Variants in CPQ observed in about 807,000 individuals in gnomAD.
CPQ encodes the protein Ser-Met dipeptidase.
A neutral mutation model predicts 45.7 loss-of-function variants in CPQ; 37 were observed. The ratio of observed to expected loss-of-function variants is 0.81; its 90% CI spans 0.62 to 1.07. The LOEUF (loss-of-function observed/expected upper bound fraction) is 1.07, where lower values mean the gene tolerates loss of function less well. CPQ is among the 50% of genes least tolerant of loss of function. The pLI is 0.00. For missense variants in CPQ, 537 were observed against 572.9 expected, an observed-to-expected ratio of 0.94 and a Z score of 0.64; for synonymous variants, 186 against 205.8, an observed-to-expected ratio of 0.90 and a Z score of 0.82.
intron 5 of CPQ, among the ~76,000 whole-genome samples, chr8:96,969,420 C>T (rs1437620363): frequency 1.3e-5 from 2 of 151,568 alleles, no homozygotes; most frequent in Non-Finnish European, 3.0e-5. Context: ...ACATTTAATT[C>T]AAAAATTGCA....
At chr8:97,136,312 C>T (rs1170668461) in intron 7 of CPQ, among the ~76,000 whole-genome samples, 1 of 152,158 alleles carries the variant, frequency 6.6e-6, no homozygotes, top group Admixed American at 6.5e-5. Context: ...ATCGTCACAA[C>T]TTTGATTTAT....
chr8:96,678,191 T>A (rs1357049678), intron 1 of CPQ, among the ~76,000 whole-genome samples: 1 of 152,154 alleles, frequency 6.6e-6, no homozygotes, highest in Non-Finnish European at 1.5e-5. Flanking sequence ...AGGATTATTT[T>A]TTCTAATTCT....
At chr8:96,844,538 G>A (rs981776927) in intron 3 of CPQ, among the ~76,000 whole-genome samples, 1 of 152,194 alleles carries the variant, frequency 6.6e-6, no homozygotes, top group African/African-American at 2.4e-5. Flanking sequence ...TTTCTCATCT[G>A]TAACATGTGG....
At chr8:96,781,140 A>G (rs1201091790) in intron 1 of CPQ, among the ~76,000 whole-genome samples, 2 of 152,206 alleles carry the variant, frequency 1.3e-5, no homozygotes, top group Non-Finnish European at 2.9e-5. Flanking sequence ...AAATAATAAT[A>G]AATTAGAAAG....
chr8:97,028,583 ACAAAGTAG>A (rs1486995908), intron 5 of CPQ, among the ~76,000 whole-genome samples: 1 of 152,260 alleles, frequency 6.6e-6, no homozygotes, highest in African/African-American at 2.4e-5. Context: ...ATTCTTGGTC[ACAAAGTAG>A]CACTTTTGGC....
chr8:96,843,792 G>C, intron 3 of CPQ, among the ~76,000 whole-genome samples: 1 of 152,234 alleles, frequency 6.6e-6, no homozygotes, highest in African/African-American at 2.4e-5. Flanking sequence ...CTTTTGAATT[G>C]CTACTCATCA....
At chr8:96,745,218 G>C (rs186184228) in intron 1 of CPQ, among the ~76,000 whole-genome samples, 1 of 152,206 alleles carries the variant, frequency 6.6e-6, no homozygotes, top group African/African-American at 2.4e-5. Flanking sequence ...TGAGACAGGA[G>C]AATCACTTGA....
intron 1 of CPQ, among the ~76,000 whole-genome samples, chr8:96,780,699 C>G (rs887009674): frequency 1.4e-5 from 2 of 147,086 alleles, no homozygotes; most frequent in East Asian, 2.0e-4. Flanking sequence ...TTCTTTCTTT[C>G]TTTTTCTTTA....
At chr8:96,682,847 G>A (rs2130730428) in intron 1 of CPQ, among the ~76,000 whole-genome samples, 1 of 152,242 alleles carries the variant, frequency 6.6e-6, no homozygotes, top group South Asian at 2.1e-4. Context: ...CAGATGAGAT[G>A]AGTTTCTTGG....
chr8:96,794,402 G>A (rs1810897120), intron 2 of CPQ, among the ~76,000 whole-genome samples: 1 of 152,156 alleles, frequency 6.6e-6, no homozygotes, highest in South Asian at 2.1e-4. Flanking sequence ...CTGGAACGCA[G>A]GTCACCAATT....
intron 1 of CPQ, among the ~76,000 whole-genome samples, chr8:96,752,613 C>A (rs906790777): frequency 2.0e-5 from 3 of 152,076 alleles, no homozygotes; most frequent in Admixed American, 6.6e-5. Flanking sequence ...TTTCAGTAAT[C>A]TTTATTTCTT....
At chr8:97,083,329 C>A (rs560413729) in intron 7 of CPQ, among the ~76,000 whole-genome samples, 1 of 152,194 alleles carries the variant, frequency 6.6e-6, no homozygotes, top group African/African-American at 2.4e-5. Context: ...GGCATGTACT[C>A]GACTATCCTA....
chr8:96,978,061 T>G lies in CPQ; in HGVS notation c.961+12015T>G, dbSNP rs185089063. ...TTTATGGCCATGGGGCATCTGTGAC[T>G]CCTCCTCTTTTTCTTTAGAGATGAT... On this transcript the variant is annotated intron_variant, in intron 5 of 7. Transcript: ENST00000220763. 1.1e-3 allele frequency among the ~76,000 whole-genome samples: 174 copies of G among 152,316 alleles called. 2 individuals carry two copies. The highest frequency in any genetic ancestry group is 4.1e-3 in the Admixed American group (63 of 15,302).
chr8:97,099,269 T>C (rs560737718), intron 7 of CPQ, among the ~76,000 whole-genome samples: 1 of 151,992 alleles, frequency 6.6e-6, no homozygotes, highest in African/African-American at 2.4e-5. Context: ...TAACTGGGAC[T>C]ACAGGCTCAC....
At chr8:97,039,516 G>T (rs569701095) in intron 6 of CPQ, among the ~76,000 whole-genome samples, 1 of 149,954 alleles carries the variant, frequency 6.7e-6, no homozygotes, top group Non-Finnish European at 1.5e-5. Context: ...TAAGTTTAGG[G>T]TACATGTGCA....
At chr8:96,727,862 T>C (rs1809864709) in intron 1 of CPQ, among the ~76,000 whole-genome samples, 1 of 152,182 alleles carries the variant, frequency 6.6e-6, no homozygotes, top group African/African-American at 2.4e-5. Flanking sequence ...AAAATAGTTA[T>C]CTAGATTTTT....
rs569506097 is a variant in CPQ, at chr8:96,971,060, G to A, written c.961+5014G>A. 4.6e-5 allele frequency among the ~76,000 whole-genome samples: 7 copies of A among 152,294 alleles called. No individual in the cohort carries two copies. The South Asian group carries it at 1.2e-3, about 27-fold the overall frequency. ...TTTGTTGGGAGAGTATTCACTCCGT[G>A]GGTATAGCGTACTTTGGAACACAAT... On this transcript the variant is annotated intron_variant, in intron 5 of 7. Coordinates refer to ENST00000220763, the MANE Select transcript of CPQ (RefSeq NM_016134.4).
At chr8:97,044,332 C>A (rs924186997) in intron 6 of CPQ, among the ~76,000 whole-genome samples, 1 of 152,334 alleles carries the variant, frequency 6.6e-6, no homozygotes, top group Middle Eastern at 3.4e-3. Flanking sequence ...CTTTCAGCTC[C>A]ATCAGCTCCT....
At chr8:97,097,448 A>G (rs1410399320) in intron 7 of CPQ, among the ~76,000 whole-genome samples, 1 of 152,180 alleles carries the variant, frequency 6.6e-6, no homozygotes, top group Non-Finnish European at 1.5e-5. Flanking sequence ...CTCAATATAT[A>G]CATATGCAAG....
Sources: allele counts gnomAD v4.1 joint callset (sites outside exome capture counted in the v4.1 genomes callset), GRCh38; gene constraint gnomAD v4.1.1; transcripts MANE v1.5; gene names NCBI Gene and HGNC (gene_info 2026-07-23, HGNC 2026-07-21).